SGK1: variants seen among roughly 807,000 people sequenced by gnomAD.
SGK1 encodes the protein serum/glucocorticoid regulated kinase 1.
In SGK1, 26 loss-of-function variants were observed where a neutral mutation model predicts 64.2. The ratio of observed to expected loss-of-function variants is 0.40; its 90% CI spans 0.30 to 0.56. SGK1 has a LOEUF of 0.56. SGK1 is among the 20% of genes least tolerant of loss of function. SGK1 has a pLI of 0.38. For missense variants in SGK1, 519 were observed against 645.6 expected, an observed-to-expected ratio of 0.80 and a Z score of 2.12; for synonymous variants, 265 against 239.7, an observed-to-expected ratio of 1.11 and a Z score of -0.98.
chr6:134,269,606 C>A (rs1421821504), intron 1 of SGK1, among the ~76,000 whole-genome samples: 1 of 143,218 alleles, frequency 7.0e-6, no homozygotes, highest in Non-Finnish European at 1.5e-5. Context: ...GGCAGTGAGC[C>A]AAGATCGTGC....
At chr6:134,207,244 AAAAC>A (rs907835252) in intron 3 of SGK1, 108 bp downstream of exon 3, 11 of 744,386 alleles carry the variant, frequency 1.5e-5, no homozygotes, top group Admixed American at 5.5e-5. Context: ...CAAAAAACAA[AAAAC>A]AAACAAACAA....
chr6:134,191,345 A>G (rs889163599), intron 3 of SGK1, among the ~76,000 whole-genome samples: 11 of 152,168 alleles, frequency 7.2e-5, no homozygotes, highest in African/African-American at 1.9e-4. Context: ...CCTGACAACC[A>G]TTTATTAAGG....
chr6:134,219,991 G>A (rs1349278732), intron 2 of SGK1, among the ~76,000 whole-genome samples: 12 of 140,022 alleles, frequency 8.6e-5, no homozygotes, highest in East Asian at 2.1e-4. Context: ...CCCGGGAGGC[G>A]GAGCTTGCAG....
intron 3 of SGK1, among the ~76,000 whole-genome samples, chr6:134,201,065 C>CT (rs71003673): frequency 0.46 from 63,076 of 138,526 alleles, 16,815 homozygotes; most frequent in Non-Finnish European, 0.61. Flanking sequence ...TTCTTTTCTT[C>CT]TTTTTTTTTT....
At chr6:134,188,984 G>T (rs1055526025) in intron 3 of SGK1, among the ~76,000 whole-genome samples, 19 of 144,718 alleles carry the variant, frequency 1.3e-4, no homozygotes, top group Non-Finnish European at 2.2e-4. Flanking sequence ...GGGCTCAAGT[G>T]ATCCTCCCAC....
intron 3 of SGK1, chr6:134,174,826 G>A (rs368205570): frequency 3.1e-6 from 5 of 1,613,880 alleles, no homozygotes; most frequent in South Asian, 1.1e-5. Context: ...CGGGGAGACA[G>A]AAAGACGTTA....
At chr6:134,230,085 TGGAGCACAGCAGCTC>T (rs1334377400) in intron 2 of SGK1, among the ~76,000 whole-genome samples, 1 of 152,216 alleles carries the variant, frequency 6.6e-6, no homozygotes, top group Non-Finnish European at 1.5e-5. Flanking sequence ...TGAGAAAGAC[TGGAGCACAGCAGCTC>T]AGAACACAGC....
At chr6:134,172,808 C>T (rs780820804) in intron 8 of SGK1, 34 bp from the exon 9 acceptor site, 4 of 1,490,470 alleles carry the variant, frequency 2.7e-6, no homozygotes, top group Non-Finnish European at 3.7e-6. Context: ...TTCTGGGTTG[C>T]AAATGAATTT....
intron 2 of SGK1, among the ~76,000 whole-genome samples, chr6:134,208,587 G>C (rs1027894859): frequency 6.6e-6 from 1 of 151,834 alleles, no homozygotes; most frequent in African/African-American, 2.4e-5. Context: ...ATGCCTTTGC[G>C]TCCTCATGGC....
rs1431169531 is a variant in SGK1 at position 134,318,105 on chromosome 6, G to C, written c.-645C>G. On this transcript the variant is annotated 5_prime_UTR_variant, in exon 1 of 14. Transcript: ENST00000367858. ...CACAGCCGGCTCAGGGCACACTGAAGAGCAGTTGACTCCCCTTGGGAGGGT... is the reference window on the plus strand; with the variant it reads ...CACAGCCGGCTCAGGGCACACTGAACAGCAGTTGACTCCCCTTGGGAGGGT... 6.6e-6 allele frequency: 1 copy of C among 152,140 alleles called. No individual in the cohort carries two copies. The highest frequency in any genetic ancestry group is 2.4e-5 in the African/African-American group (1 of 41,396). The allele number at this position is 152,140 out of a possible 1,614,324, so 9.4% of individuals were successfully genotyped here. A position where few individuals can be genotyped will look rare whatever the true frequency, so the allele number is the denominator to read the frequency against.
intron 1 of SGK1, among the ~76,000 whole-genome samples, chr6:134,277,098 G>A (rs949748921): frequency 6.6e-6 from 1 of 151,702 alleles, no homozygotes; most frequent in African/African-American, 2.4e-5. Context: ...CCAGGGTGAG[G>A]TGCAGTGGCT....
chr6:134,210,916 G>A (rs918554603), intron 2 of SGK1, among the ~76,000 whole-genome samples: 2 of 151,906 alleles, frequency 1.3e-5, no homozygotes, highest in African/African-American at 2.4e-5. Context: ...CCTGAGGTCA[G>A]GAGTTTGAGA....
chr6:134,228,838 G>GTTTT (rs1776228956), intron 2 of SGK1, among the ~76,000 whole-genome samples: 1 of 124,884 alleles, frequency 8.0e-6, no homozygotes, highest in African/African-American at 3.5e-5. Flanking sequence ...TCTTGTAGTT[G>GTTTT]TTCTTTTTTT....
At chr6:134,265,106 T>A (rs945565331) in intron 1 of SGK1, among the ~76,000 whole-genome samples, 9 of 152,242 alleles carry the variant, frequency 5.9e-5, no homozygotes, top group African/African-American at 2.2e-4. Flanking sequence ...AACATAATTA[T>A]ATGAGAAAAG....
intron 2 of SGK1, among the ~76,000 whole-genome samples, chr6:134,235,544 TATTTATTTA>T (rs1776349719): frequency 1.1e-5 from 1 of 89,382 alleles, no homozygotes; most frequent in Non-Finnish European, 2.1e-5. Flanking sequence ...TAGATATTTT[TATTTATTTA>T]TTTATTTATT....
intron 2 of SGK1, among the ~76,000 whole-genome samples, chr6:134,220,502 C>CTCTG (rs1554221840): frequency 6.6e-6 from 1 of 152,130 alleles, no homozygotes; most frequent in Non-Finnish European, 1.5e-5. Flanking sequence ...AGAGCATGAG[C>CTCTG]TCTGGTGTCA....
At chr6:134,183,860 C>T (rs1298573416) in intron 3 of SGK1, among the ~76,000 whole-genome samples, 1 of 127,896 alleles carries the variant, frequency 7.8e-6, no homozygotes, top group Non-Finnish European at 1.7e-5. Context: ...CCCACCCCCA[C>T]CCCCCACCCC....
Position 134,170,177 on chromosome 6 carries a change from G to T in SGK1, c.*91C>A. 1 of 1,094,210 alleles carries T rather than the reference G, an allele frequency of 9.1e-7. No individual in the cohort carries two copies. The highest frequency in any genetic ancestry group is 1.3e-6 in the Non-Finnish European group (1 of 753,896). The allele number at this position is 1,094,210 out of a possible 1,614,324, so 67.8% of individuals were successfully genotyped here. On this transcript the variant is annotated 3_prime_UTR_variant, in exon 14 of 14. Coordinates refer to ENST00000367858, the MANE Select transcript of SGK1 (RefSeq NM_001143676.3). ...CAGAGATGTGCAAATTCTCTTGTAA[G>T]ATGTCCTGTCAGCTGGCGGCTCCAC...
intron 2 of SGK1, among the ~76,000 whole-genome samples, chr6:134,237,521 CA>C (rs1210489709): frequency 6.6e-6 from 1 of 151,764 alleles, no homozygotes; most frequent in East Asian, 2.0e-4. Context: ...ATGAAAAATA[CA>C]AAAAATTAGC....
Sources: gnomAD v4.1 joint callset for allele counts (sites outside exome capture counted in the v4.1 genomes callset) on GRCh38, gnomAD v4.1.1 for gene constraint, MANE v1.5 for transcripts, NCBI Gene and HGNC (gene_info 2026-07-23, HGNC 2026-07-21) for gene names.